The following FBXO34 variants were observed in gnomAD, a reference collection of about 807,000 sequenced individuals.
FBXO34 encodes the protein F-box only protein 34.
Under a neutral mutation model 24.5 loss-of-function variants are expected in FBXO34, and 12 were observed. The observed-to-expected ratio is 0.49, with a 90% CI of 0.31 to 0.79. The LOEUF (loss-of-function observed/expected upper bound fraction) is 0.79, where lower values mean the gene tolerates loss of function less well. FBXO34 is among the 30% of genes least tolerant of loss of function. The pLI, the probability that FBXO34 is intolerant of heterozygous loss-of-function variation, is 0.04. For missense variants in FBXO34, 823 were observed against 857.7 expected, an observed-to-expected ratio of 0.96 and a Z score of 0.51; for synonymous variants, 320 against 311.9, an observed-to-expected ratio of 1.03 and a Z score of -0.27.
chr14:55,306,454 A>G (rs1435658314), intron 1 of FBXO34, among the ~76,000 whole-genome samples: 2 of 152,262 alleles, frequency 1.3e-5, no homozygotes, highest in South Asian at 2.1e-4. Flanking sequence ...TGAAAATTAC[A>G]TGATGTCAGA....
the FBXO34 span, among the ~76,000 whole-genome samples, chr14:55,431,812 G>C: frequency 1.3e-5 from 2 of 152,140 alleles, no homozygotes; most frequent in Non-Finnish European, 2.9e-5. Flanking sequence ...TATAAATTCA[G>C]TCCCTCAGTT....
At chr14:55,336,182 C>T (rs1226311382) in intron 1 of FBXO34, among the ~76,000 whole-genome samples, 1 of 152,192 alleles carries the variant, frequency 6.6e-6, no homozygotes, top group Non-Finnish European at 1.5e-5. Context: ...GTCTTGACTG[C>T]TGTTGTCTTT....
the FBXO34 span, chr14:55,390,907 T>G: frequency 6.3e-7 from 1 of 1,575,518 alleles, no homozygotes; most frequent in Non-Finnish European, 8.7e-7. Flanking sequence ...CACGAATTAC[T>G]TACTTTTCTC....
intron 1 of FBXO34, among the ~76,000 whole-genome samples, chr14:55,300,807 C>T (rs1484409710): frequency 6.6e-6 from 1 of 152,122 alleles, no homozygotes; most frequent in Non-Finnish European, 1.5e-5. Context: ...GTCATTTTCC[C>T]ACACAGTATT....
At chr14:55,411,852 G>A in the FBXO34 span, 1 of 1,551,212 alleles carries the variant, frequency 6.4e-7, no homozygotes, top group Non-Finnish European at 8.7e-7. Flanking sequence ...CAGTCACGTG[G>A]GATTTTGTTT....
At chr14:55,437,306 C>T in the FBXO34 span, among the ~76,000 whole-genome samples, 41 of 152,364 alleles carry the variant, frequency 2.7e-4, no homozygotes, top group South Asian at 7.5e-3. Flanking sequence ...GGTGAAACCA[C>T]GTCTCTACTA....
intron 1 of FBXO34, among the ~76,000 whole-genome samples, chr14:55,319,127 G>T (rs1484985874): frequency 1.3e-5 from 2 of 152,146 alleles, no homozygotes; most frequent in Non-Finnish European, 2.9e-5. Context: ...GGGAATGTGG[G>T]TCTGTTAGGC....
At chr14:55,313,978 C>A (rs973617581) in intron 1 of FBXO34, among the ~76,000 whole-genome samples, 1 of 152,190 alleles carries the variant, frequency 6.6e-6, no homozygotes, top group Admixed American at 6.5e-5. Context: ...TCACAACTTA[C>A]TGCAGCCTCA....
chr14:55,401,288 T>C, the FBXO34 span, among the ~76,000 whole-genome samples: 288 of 152,220 alleles, frequency 1.9e-3, 3 homozygotes, highest in African/African-American at 6.6e-3. Context: ...TTGAGGATTA[T>C]TTAGCAGGGA....
At chr14:55,403,108 G>A in the FBXO34 span, among the ~76,000 whole-genome samples, 1 of 150,386 alleles carries the variant, frequency 6.6e-6, no homozygotes, top group South Asian at 2.1e-4. Context: ...GGCAGAGTGA[G>A]AACCTGTCTC....
At chr14:55,439,993 G>A in the FBXO34 span, among the ~76,000 whole-genome samples, 3 of 147,246 alleles carry the variant, frequency 2.0e-5, no homozygotes, top group Non-Finnish European at 3.0e-5. Context: ...CCAGCTACAC[G>A]GGAGGCTGAG....
chr14:55,309,112 A>C (rs775857650), intron 1 of FBXO34, among the ~76,000 whole-genome samples: 1 of 150,958 alleles, frequency 6.6e-6, no homozygotes, highest in Non-Finnish European at 1.5e-5. Flanking sequence ...TTTTAACTGT[A>C]TTTTAATATA....
At chr14:55,279,323 C>A (rs1415345712) in intron 1 of FBXO34, among the ~76,000 whole-genome samples, 1 of 150,346 alleles carries the variant, frequency 6.7e-6, no homozygotes, top group Non-Finnish European at 1.5e-5. Context: ...TTAGTGGGGT[C>A]TAATAATTTC....
At chr14:55,436,607 G>C in the FBXO34 span, 1 of 1,614,192 alleles carries the variant, frequency 6.2e-7, no homozygotes, top group Non-Finnish European at 8.5e-7. Context: ...GGGGTCATTG[G>C]TGTCATGGGA....
chr14:55,363,023 C>CTCTCTT (rs58355682), downstream of FBXO34, among the ~76,000 whole-genome samples: 1 of 132,352 alleles, frequency 7.6e-6, no homozygotes, highest in Non-Finnish European at 1.6e-5. Context: ...TTCTCTCTCT[C>CTCTCTT]TTTTTTTTTT....
chr14:55,397,541 T>A, the FBXO34 span: 1 of 880,978 alleles, frequency 1.1e-6, no homozygotes, highest in Non-Finnish European at 1.8e-6. Context: ...TGTGAAAATG[T>A]CATTGTCCTG....
At chr14:55,365,834 C>T (rs1218111071), downstream of FBXO34, among the ~76,000 whole-genome samples, 2 of 152,162 alleles carry the variant, frequency 1.3e-5, no homozygotes, top group Non-Finnish European at 2.9e-5. Flanking sequence ...GCTGGCCTGG[C>T]TCTTCCACAG....
chr14:55,274,430 T>C (rs1881267525), intron 1 of FBXO34, among the ~76,000 whole-genome samples: 1 of 152,262 alleles, frequency 6.6e-6, no homozygotes, highest in Non-Finnish European at 1.5e-5. Flanking sequence ...TTTTCACCCA[T>C]GCTTTCCAGT....
intron 1 of FBXO34, among the ~76,000 whole-genome samples, chr14:55,311,393 A>G (rs994200942): frequency 2.6e-5 from 4 of 152,188 alleles, no homozygotes; most frequent in African/African-American, 7.2e-5. Flanking sequence ...AAGCCCAACC[A>G]TATCATTGTT....
Sources: gnomAD v4.1 joint callset for allele counts (sites outside exome capture counted in the v4.1 genomes callset) on GRCh38, gnomAD v4.1.1 for gene constraint, MANE v1.5 for transcripts, NCBI Gene and HGNC (gene_info 2026-07-23, HGNC 2026-07-21) for gene names.